TBC1D15: variants seen among roughly 807,000 people sequenced by gnomAD.
The protein encoded by TBC1D15 is TBC1 domain family member 15, also known as GAP for RAB7.
A neutral mutation model predicts 95.4 loss-of-function variants in TBC1D15; 39 were observed. That is an observed-to-expected ratio of 0.41 (90% CI 0.32 to 0.53). The LOEUF (loss-of-function observed/expected upper bound fraction) is 0.53, where lower values mean the gene tolerates loss of function less well. Among genes scored for constraint, TBC1D15 ranks in the 20% least tolerant of loss-of-function variants. The pLI is 0.29. For synonymous variants in TBC1D15, 258 were observed against 261.3 expected, an observed-to-expected ratio of 0.99 and a Z score of 0.12; for missense variants, 733 against 794.3, an observed-to-expected ratio of 0.92 and a Z score of 0.93.
At position 71,897,880 on chromosome 12, in the gene TBC1D15, A is replaced by C; in HGVS notation, c.1122A>C (p.Lys374Asn). The change falls in exon 10 of 17, where the codon AAA (lysine) becomes AAC (asparagine). Residue 374 changes from lysine (K) to asparagine (N), a missense_variant. By Grantham distance (94) the Lys-to-Asn change is moderately conservative. Transcript: ENST00000485960. ...DEYFRMKLQWKSISQEQEKRN... is the reference protein window; with the variant it reads ...DEYFRMKLQWNSISQEQEKRN... ...ACTTCAGAATGAAACTGCAGTGGAA[A>C]TCCATCAGCCAGGAACAAGAGAAAA... is the stretch of plus-strand genomic sequence containing the variant. The C allele has an allele frequency of 6.2e-7, 1 of 1,612,864 alleles. No individual in the cohort carries two copies. The highest frequency in any genetic ancestry group is 8.5e-7 in the Non-Finnish European group (1 of 1,179,182).
intron 5 of TBC1D15, among the ~76,000 whole-genome samples, chr12:71,888,300 A>G (rs1353325497): frequency 2.0e-5 from 3 of 152,096 alleles, no homozygotes; most frequent in Non-Finnish European, 2.9e-5. Context: ...CCTCGCCAAC[A>G]TGGTGAAACC....
intron 3 of TBC1D15, among the ~76,000 whole-genome samples, chr12:71,875,099 C>G (rs12580797): frequency 0.087 from 13,145 of 151,892 alleles, 640 homozygotes; most frequent in South Asian, 0.15. Context: ...CCACCATGCC[C>G]GGCTAATTTT....
chr12:71,917,799 TA>T lies in TBC1D15; in HGVS notation c.1501+4del. On this transcript the variant is annotated splice_donor_region_variant and intron_variant, in intron 13 of 16. Transcript: ENST00000485960. Reference sequence around the variant, plus strand: ...ACAGTGGATTTTGCAGTTACTTAGGTAAGTTTAGTGAATCAGAACTATACCC... The same window carrying T: ...ACAGTGGATTTTGCAGTTACTTAGGTAGTTTAGTGAATCAGAACTATACCC... 1 of 1,595,074 alleles carries T rather than the reference TA, an allele frequency of 6.3e-7. No individual in the cohort carries two copies. The highest frequency in any genetic ancestry group is 1.3e-5 in the African/African-American group (1 of 74,638).
chr12:71,902,330 C>T (rs888653215), intron 10 of TBC1D15, among the ~76,000 whole-genome samples: 1 of 152,164 alleles, frequency 6.6e-6, no homozygotes, highest in Non-Finnish European at 1.5e-5. Flanking sequence ...TCAAACTATA[C>T]TGCAAGGGTA....
intron 11 of TBC1D15, among the ~76,000 whole-genome samples, chr12:71,910,273 T>C (rs1038533158): frequency 6.6e-5 from 10 of 151,638 alleles, no homozygotes; most frequent in Non-Finnish European, 1.2e-4. Flanking sequence ...AGCCTTGTAG[T>C]ATAGTTTGAA....
intron 4 of TBC1D15, among the ~76,000 whole-genome samples, 159 bp from the exon 5 acceptor site, chr12:71,884,652 T>C (rs1353165840): frequency 6.6e-6 from 1 of 152,136 alleles, no homozygotes; most frequent in Non-Finnish European, 1.5e-5. Context: ...AAAGAACATA[T>C]AAGTAGCCAT....
At chr12:71,921,624 A>G (rs2139125006) in intron 16 of TBC1D15, among the ~76,000 whole-genome samples, 170 bp downstream of exon 16, 1 of 152,360 alleles carries the variant, frequency 6.6e-6, no homozygotes, top group Non-Finnish European at 1.5e-5. Context: ...TTAATTGAAA[A>G]CAGTTGACTA....
intron 1 of TBC1D15, among the ~76,000 whole-genome samples, chr12:71,869,555 C>G (rs1232532719): frequency 2.0e-5 from 3 of 151,662 alleles, no homozygotes; most frequent in Admixed American, 2.0e-4. Context: ...AAACAAAACT[C>G]AAGTACAGAG....
Position 71,894,504 on chromosome 12 carries a change from G to C in TBC1D15, c.658-182G>C, listed in dbSNP as rs1456515352. On this transcript the variant is annotated intron_variant, in intron 6 of 16. Coordinates refer to ENST00000485960, the MANE Select transcript of TBC1D15 (RefSeq NM_001146213.3). ...GCTATTTTAACCAAATGAAATGATT[G>C]GCTTAGAAAATTTAAATTTTTCTTT... The C allele has an allele frequency of 4.1e-6, 5 of 1,214,252 alleles. No homozygotes were observed. In the African/African-American group the frequency reaches 6.2e-5, roughly 15 times the overall value. The allele number at this position is 1,214,252 out of a possible 1,614,324, so 75.2% of individuals were successfully genotyped here. A position where few individuals can be genotyped will look rare whatever the true frequency, so the allele number is the denominator to read the frequency against.
chr12:71,897,980 A>G (rs1403902471), intron 10 of TBC1D15, 39 bp downstream of exon 10: 1 of 1,429,310 alleles, frequency 7.0e-7, no homozygotes, highest in Middle Eastern at 1.8e-4. Flanking sequence ...GCAAGGGGGG[A>G]TTACATTGAA....
rs563013687 is a variant in TBC1D15, at chr12:71,885,085, A to G, written c.554+64A>G. On this transcript the variant is annotated intron_variant, in intron 5 of 16. Coordinates refer to ENST00000485960, the MANE Select transcript of TBC1D15 (RefSeq NM_001146213.3). ...CATTGTATTAATCCCAAAGCAAACTATTTTTACTTGACCTTGGGCATCAGT... is the reference window on the plus strand; with the variant it reads ...CATTGTATTAATCCCAAAGCAAACTGTTTTTACTTGACCTTGGGCATCAGT... The G allele has an allele frequency of 5.2e-6, 8 of 1,534,114 alleles. No homozygotes were observed. The African/African-American group carries it at 5.5e-5, about 10-fold the overall frequency.
intron 12 of TBC1D15, among the ~76,000 whole-genome samples, chr12:71,915,464 A>AAC (rs1555206484): frequency 1.3e-4 from 20 of 151,742 alleles, no homozygotes; most frequent in Admixed American, 5.3e-4. Context: ...AAAAAAAAAA[A>AAC]ACACAACTAA....
intron 1 of TBC1D15, chr12:71,849,646 G>A (rs1344490322): frequency 1.7e-6 from 1 of 572,544 alleles, no homozygotes; most frequent in Non-Finnish European, 3.3e-6. Flanking sequence ...TCGTCAGCTA[G>A]TCGGTAGTAG....
chr12:71,907,188 A>G (rs1319079404), intron 11 of TBC1D15, 50 bp downstream of exon 11: 1 of 1,161,998 alleles, frequency 8.6e-7, no homozygotes. Context: ...TATTTACTTT[A>G]GAGTTTACAT....
At chr12:71,847,822 G>T (rs1224799395) in intron 1 of TBC1D15, among the ~76,000 whole-genome samples, 6 of 152,112 alleles carry the variant, frequency 3.9e-5, no homozygotes, top group Admixed American at 2.6e-4. Context: ...CTTAGGCCAG[G>T]TGCCGTGGCT....
chr12:71,860,069 G>A (rs983857866), intron 1 of TBC1D15, among the ~76,000 whole-genome samples: 1 of 152,060 alleles, frequency 6.6e-6, no homozygotes, highest in African/African-American at 2.4e-5. Flanking sequence ...AAATCAGTTG[G>A]CTCTAAATTT....
intron 1 of TBC1D15, among the ~76,000 whole-genome samples, chr12:71,851,206 A>G (rs1887738925): frequency 6.6e-6 from 1 of 152,022 alleles, no homozygotes; most frequent in Non-Finnish European, 1.5e-5. Context: ...GGGAGGTGCT[A>G]CACACTTTTA....
chr12:71,893,383 C>T, intron 6 of TBC1D15, 59 bp downstream of exon 6: 1 of 1,113,776 alleles, frequency 9.0e-7, no homozygotes, highest in South Asian at 1.6e-5. Flanking sequence ...ATACCCTGTA[C>T]TTCTCATCTT....
intron 5 of TBC1D15, 105 bp from the exon 6 acceptor site, chr12:71,893,117 T>TG (rs1897488769): frequency 1.6e-6 from 1 of 625,340 alleles, no homozygotes; most frequent in African/African-American, 2.0e-5. Flanking sequence ...TAAAATATTT[T>TG]GGGTTTTTTT....
Sources: allele counts gnomAD v4.1 joint callset (sites outside exome capture counted in the v4.1 genomes callset), GRCh38; gene constraint gnomAD v4.1.1; transcripts MANE v1.5; gene names NCBI Gene and HGNC (gene_info 2026-07-23, HGNC 2026-07-21).